The following SEZ6L2 variants were observed in gnomAD, a reference collection of about 807,000 sequenced individuals.
The protein encoded by SEZ6L2 is seizure 6-like protein 2.
Under a neutral mutation model 97.0 loss-of-function variants are expected in SEZ6L2, and 44 were observed. The observed-to-expected ratio is 0.45, with a 90% confidence interval of 0.36 to 0.58. The LOEUF is 0.58. SEZ6L2 is among the 20% of genes least tolerant of loss of function. The pLI, the probability that SEZ6L2 is intolerant of heterozygous loss-of-function variation, is 0.00. For missense variants in SEZ6L2, 1,086 were observed against 1,233.3 expected, an observed-to-expected ratio of 0.88 and a Z score of 1.79; for synonymous variants, 543 against 546.1, an observed-to-expected ratio of 0.99 and a Z score of 0.08.
chr16:29,875,665 CT>C (rs11443146), intron 12 of SEZ6L2, among the ~76,000 whole-genome samples: 29 of 121,008 alleles, frequency 2.4e-4, no homozygotes, highest in Admixed American at 4.6e-4. Flanking sequence ...TTCTTTCTTT[CT>C]TTTTTTTTTT....
chr16:29,885,553 G>A (rs756172198), intron 8 of SEZ6L2, 33 bp downstream of exon 8: 3 of 1,599,598 alleles, frequency 1.9e-6, no homozygotes, highest in East Asian at 2.2e-5. Flanking sequence ...AAGGTGTGGC[G>A]GTTGGGGTCC....
Position 29,871,452 on chromosome 16 carries a change from A to C in SEZ6L2, c.*247T>G, listed in dbSNP as rs934310964. Reference sequence around the variant, plus strand: ...AGGCAGAGTTCCCCTCCCAGAATCCAAAAGCCGGTAGGGCGGGGGGCAGGC... The same window carrying C: ...AGGCAGAGTTCCCCTCCCAGAATCCCAAAGCCGGTAGGGCGGGGGGCAGGC... On this transcript the variant is annotated 3_prime_UTR_variant, in exon 18 of 18. Coordinates refer to ENST00000617533, the MANE Select transcript of SEZ6L2 (RefSeq NM_001243332.2). 7.5e-5 allele frequency: 44 copies of C among 583,840 alleles called. No homozygotes were observed. Among genetic ancestry groups the C allele is most frequent in the Admixed American group, 1.5e-4 (5 of 33,572 alleles). 36.2% of individuals were successfully genotyped at this position (583,840 alleles called of 1,614,324 possible).
intron 14 of SEZ6L2, 95 bp from the exon 15 acceptor site, chr16:29,872,838 C>G (rs1383665475): frequency 3.2e-5 from 31 of 977,050 alleles, no homozygotes; most frequent in Non-Finnish European, 4.2e-5. Context: ...GCTGGACAGC[C>G]TGGTTCTCTC....
rs772600970 is a variant in SEZ6L2, at chr16:29,879,830, AC to A, written c.1573+33del. The A allele has an allele frequency of 3.2e-6, 5 of 1,552,652 alleles. No individual in the cohort carries two copies. The East Asian group carries it at 9.1e-5, about 28-fold the overall frequency. The stretch of plus-strand genomic sequence containing the variant: ...ATCCCCAGTTCAGGGGGCAACGTGG[AC>A]TGAAGGACATGCCTGCGACAAGGAA... On this transcript the variant is annotated intron_variant, in intron 9 of 17. Transcript: ENST00000617533.
chr16:29,895,335 G>A lies in SEZ6L2; in HGVS notation c.777C>T (p.Ser259=). The A allele has an allele frequency of 1.9e-6, 3 of 1,614,156 alleles. No homozygotes were observed. The highest frequency in any genetic ancestry group is 2.5e-6 in the Non-Finnish European group (3 of 1,180,042). ...SMLGEGQVLR[S]PTNRLLLHFQ... ...AGTGCAGAAGCAGCCGGTTGGTTGG[G>A]CTCCGAAGGACTTGTCCTTCTCCAA... Residue 259 remains serine (S), a synonymous_variant, in exon 5 of 18, where the codon AGC becomes AGT. Coordinates refer to ENST00000617533, the MANE Select transcript of SEZ6L2 (RefSeq NM_001243332.2).
chr16:29,893,095 C>A (rs903555694), intron 5 of SEZ6L2, among the ~76,000 whole-genome samples: 2 of 152,120 alleles, frequency 1.3e-5, no homozygotes, highest in East Asian at 3.9e-4. Context: ...GAGGTCAAGG[C>A]AGGAGGATTT....
rs889692639 is a variant in SEZ6L2, at chr16:29,899,016, C to G, written c.4G>C (p.Gly2Arg). ...GGCGGGTGCTGGGCCCTGGGAGTCC[C>G]CATGGCGACTCACCCCGATCTCTCT... M[G>R]TPRAQHPPPP... is the part of the protein sequence containing the mutation. The change falls in exon 1 of 18, where the codon GGG becomes CGG. Residue 2 changes from glycine to arginine, a missense_variant. Around this residue, in one of 2 missense-constraint regions of SEZ6L2, gnomAD observed 776 missense variants for 794.7 expected, o/e 0.98. Transcript: ENST00000617533. The G allele has an allele frequency of 6.2e-7, 1 of 1,608,716 alleles. No individual in the cohort carries two copies. The highest frequency in any genetic ancestry group is 1.3e-5 in the African/African-American group (1 of 74,780).
chr16:29,881,515 G>A (rs1177885753), intron 8 of SEZ6L2, among the ~76,000 whole-genome samples: 1 of 151,520 alleles, frequency 6.6e-6, no homozygotes, highest in Non-Finnish European at 1.5e-5. Flanking sequence ...GTCAGCAAAA[G>A]TGAACATTTG....
At chr16:29,878,526 C>T (rs1443743171) in intron 9 of SEZ6L2, 101 bp from the exon 10 acceptor site, 1 of 914,692 alleles carries the variant, frequency 1.1e-6, no homozygotes, top group African/African-American at 1.7e-5. Flanking sequence ...CATCACCTCG[C>T]TTGTTTCCTA....
chr16:29,895,369 G>A lies in SEZ6L2; in HGVS notation c.743C>T (p.Ser248Leu). The change falls in exon 5 of 18, where the codon TCA becomes TTA. Residue 248 changes from serine (S) to leucine (L), a missense_variant. Ser to Leu is a moderately radical substitution (Grantham distance 145). Around this residue, in one of 2 missense-constraint regions of SEZ6L2, gnomAD observed 776 missense variants for 794.7 expected, o/e 0.98. Coordinates refer to ENST00000617533, the MANE Select transcript of SEZ6L2 (RefSeq NM_001243332.2). ...PGLAPRLLANSSMLGEGQVLR... is the reference protein window; with the variant it reads ...PGLAPRLLANLSMLGEGQVLR... ...GACTTGTCCTTCTCCAAGCATGGAT[G>A]AGTTGGCCAGGAGTCGGGGGGCCAG... 1 of 1,614,134 alleles carries A rather than the reference G, an allele frequency of 6.2e-7. No individual in the cohort carries two copies. Among genetic ancestry groups the A allele is most frequent in the Non-Finnish European group, 8.5e-7 (1 of 1,180,020 alleles).
At chr16:29,894,150 C>T (rs576199448) in intron 5 of SEZ6L2, among the ~76,000 whole-genome samples, 7 of 152,300 alleles carry the variant, frequency 4.6e-5, no homozygotes, top group African/African-American at 7.2e-5. Flanking sequence ...AGATTATAGG[C>T]GTGAGCCACC....
In SEZ6L2 at chr16:29,872,119, T is replaced by G. The variant is rs971029946; in HGVS notation, c.2742+68A>C. 1.5e-5 allele frequency: 19 copies of G among 1,286,788 alleles called. No individual in the cohort carries two copies. In the African/African-American group the frequency reaches 2.7e-4, roughly 18 times the overall value. The allele number at this position is 1,286,788 out of a possible 1,614,324, so 79.7% of individuals were successfully genotyped here. On this transcript the variant is annotated intron_variant, in intron 17 of 17. Coordinates refer to ENST00000617533, the MANE Select transcript of SEZ6L2 (RefSeq NM_001243332.2). ...TCCCAAGACAGAGATTCCAGAGACC[T>G]TGCGAGAAGGTTATGGAGTCCTGGG...
intron 12 of SEZ6L2, among the ~76,000 whole-genome samples, chr16:29,875,659 T>TTA: frequency 1.5e-5 from 1 of 68,254 alleles, no homozygotes; most frequent in Admixed American, 1.2e-4. Context: ...CTTTCTTTCT[T>TTA]TCTTTCTTTT....
chr16:29,897,597 A>G (rs1364667085), intron 2 of SEZ6L2, among the ~76,000 whole-genome samples: 2 of 148,686 alleles, frequency 1.3e-5, no homozygotes, highest in Non-Finnish European at 3.0e-5. Context: ...CTGAATTTCC[A>G]TCTCTGTTTC....
intron 3 of SEZ6L2, 36 bp from the exon 4 acceptor site, chr16:29,895,896 C>T: frequency 6.4e-7 from 1 of 1,573,318 alleles, no homozygotes; most frequent in South Asian, 1.2e-5. Flanking sequence ...GGAAGGAATG[C>T]CTGTGCTTTT....
At chr16:29,898,013 C>T in intron 1 of SEZ6L2, 29 bp from the exon 2 acceptor site, 8 of 1,611,544 alleles carry the variant, frequency 5.0e-6, no homozygotes, top group Non-Finnish European at 6.8e-6. Context: ...TGAGCTTCTC[C>T]ACTTCCCCAC....
At chr16:29,886,574 G>A (rs149791629) in intron 7 of SEZ6L2, among the ~76,000 whole-genome samples, 8 of 150,432 alleles carry the variant, frequency 5.3e-5, no homozygotes, top group African/African-American at 1.7e-4. Flanking sequence ...CCAGCTACTC[G>A]GGAGGCTAAG....
chr16:29,892,132 A>T (rs1173261143), intron 5 of SEZ6L2, among the ~76,000 whole-genome samples: 1 of 152,180 alleles, frequency 6.6e-6, no homozygotes, highest in Non-Finnish European at 1.5e-5. Context: ...TGTAATGGGA[A>T]AGTTTGCTGA....
intron 5 of SEZ6L2, among the ~76,000 whole-genome samples, chr16:29,894,901 C>T (rs1053545035): frequency 6.6e-6 from 1 of 151,978 alleles, no homozygotes; most frequent in South Asian, 2.1e-4. Flanking sequence ...CTCTATAGGC[C>T]GGGCACAGTG....
Sources: allele counts gnomAD v4.1 joint callset (sites outside exome capture counted in the v4.1 genomes callset), GRCh38; gene constraint gnomAD v4.1.1; regional missense constraint gnomAD v4.1.1; transcripts MANE v1.5; gene names NCBI Gene and HGNC (gene_info 2026-07-23, HGNC 2026-07-21).